The following FMNL2 variants were observed in gnomAD, a reference collection of about 807,000 sequenced individuals.
FMNL2 encodes formin-like protein 2.
In FMNL2, 51 loss-of-function variants were observed where a neutral mutation model predicts 130.2. That is an observed-to-expected ratio of 0.39 (90% CI 0.31 to 0.49). FMNL2 has a LOEUF of 0.49. Among genes scored for constraint, FMNL2 ranks in the 20% least tolerant of loss-of-function variants. FMNL2 has a pLI of 0.85. For missense variants in FMNL2, 977 were observed against 1,316.2 expected (o/e 0.74, Z 3.99); for synonymous variants, 465 against 467.1 (o/e 1.00, Z 0.06).
chr2:152,344,783 TACAAAG>T (rs1465330934), intron 1 of FMNL2, among the ~76,000 whole-genome samples: 1 of 152,220 alleles, frequency 6.6e-6, no homozygotes, highest in Admixed American at 6.5e-5. Context: ...TTTTACCATT[TACAAAG>T]ACTTGATGAG....
At chr2:152,513,291 C>CT (rs1167008783) in intron 1 of FMNL2, among the ~76,000 whole-genome samples, 1 of 152,074 alleles carries the variant, frequency 6.6e-6, no homozygotes, top group Non-Finnish European at 1.5e-5. Context: ...CCGTTTCCTC[C>CT]TTTTTTAGTG....
chr2:152,553,540 ATTTT>A (rs568985282), intron 4 of FMNL2, among the ~76,000 whole-genome samples: 1 of 126,372 alleles, frequency 7.9e-6, no homozygotes, highest in Non-Finnish European at 1.7e-5. Flanking sequence ...CAATTCTCAC[ATTTT>A]TTTTTTTTTT....
At chr2:152,553,676 T>C (rs1695055012) in intron 4 of FMNL2, among the ~76,000 whole-genome samples, 2 of 151,630 alleles carry the variant, frequency 1.3e-5, no homozygotes, top group African/African-American at 4.8e-5. Context: ...ATTTTAAATG[T>C]CTTTAATAAA....
In FMNL2 at chr2:152,426,204, C is replaced by T. The variant is rs554176678; in HGVS notation, c.117+90484C>T. On this transcript the variant is annotated intron_variant, in intron 1 of 25. Coordinates refer to ENST00000288670, the MANE Select transcript of FMNL2 (RefSeq NM_052905.4). ...CCACAATGGACCTTGAGCTGTGTGT[C>T]ATTGGCTATTTATTTTTGTGTGTCT... is the stretch of plus-strand genomic sequence containing the variant. Among the ~76,000 whole-genome samples the T allele has an allele frequency of 3.3e-5, 5 of 152,254 alleles. No individual in the cohort carries two copies. The East Asian group carries it at 9.6e-4, about 29-fold the overall frequency.
chr2:152,485,419 G>A (rs1690765602), intron 1 of FMNL2, among the ~76,000 whole-genome samples: 1 of 152,130 alleles, frequency 6.6e-6, no homozygotes, highest in Non-Finnish European at 1.5e-5. Context: ...TGAACCTGGT[G>A]GTGCACACCT....
At chr2:152,431,314 A>G (rs2106089994) in intron 1 of FMNL2, among the ~76,000 whole-genome samples, 1 of 152,294 alleles carries the variant, frequency 6.6e-6, no homozygotes, top group Non-Finnish European at 1.5e-5. Flanking sequence ...TGAAAATTAG[A>G]CTTCAGAGAA....
At chr2:152,360,354 CAG>C (rs1040740451) in intron 1 of FMNL2, among the ~76,000 whole-genome samples, 5 of 151,410 alleles carry the variant, frequency 3.3e-5, no homozygotes, top group African/African-American at 1.2e-4. Flanking sequence ...TCTTTTTTGA[CAG>C]AGTCTCACTC....
chr2:152,351,836 A>G (rs1452959198), intron 1 of FMNL2, among the ~76,000 whole-genome samples: 1 of 152,146 alleles, frequency 6.6e-6, no homozygotes, highest in East Asian at 1.9e-4. Context: ...AAGCATTCCT[A>G]TTTCTCCACA....
intron 4 of FMNL2, among the ~76,000 whole-genome samples, chr2:152,555,626 C>G (rs1435481918): frequency 1.3e-5 from 2 of 152,180 alleles, no homozygotes; most frequent in African/African-American, 4.8e-5. Flanking sequence ...TCCTTGCACC[C>G]AATTTCTTCC....
At chr2:152,499,289 T>G (rs142825640) in intron 1 of FMNL2, among the ~76,000 whole-genome samples, 1 of 152,194 alleles carries the variant, frequency 6.6e-6, no homozygotes, top group African/African-American at 2.4e-5. Context: ...AAGGAATGAA[T>G]GAATCAGAAT....
Position 152,424,500 on chromosome 2 carries a change from C to T in FMNL2, c.117+88780C>T, listed in dbSNP as rs1437637789. Among the ~76,000 whole-genome samples, 2 of 151,706 alleles carry T rather than the reference C, an allele frequency of 1.3e-5. 1 individual carries two copies. The highest frequency in any genetic ancestry group is 4.2e-4 in the South Asian group (2 of 4,810). On this transcript the variant is annotated intron_variant, in intron 1 of 25. Coordinates refer to ENST00000288670, the MANE Select transcript of FMNL2 (RefSeq NM_052905.4). ...CCACCTCCTGGGTTCAAGTGATTCT[C>T]CTGCCTCAGCCTCCCGAATAGCTGG...
In FMNL2 at chr2:152,535,661, T is replaced by C. The variant is rs1693958500; in HGVS notation, c.202-7078T>C. 2.0e-5 allele frequency among the ~76,000 whole-genome samples: 3 copies of C among 152,200 alleles called. No individual in the cohort carries two copies. In the South Asian group the frequency reaches 6.2e-4, roughly 31 times the overall value. On this transcript the variant is annotated intron_variant, in intron 2 of 25. Coordinates refer to ENST00000288670, the MANE Select transcript of FMNL2 (RefSeq NM_052905.4). ...CCAAACATGTTAGTAAGATTTAAAA[T>C]GTTCAGAGGCAGGGGCTTGTTTAGC...
At chr2:152,505,480 ATT>A (rs1244837499) in intron 1 of FMNL2, among the ~76,000 whole-genome samples, 8 of 152,126 alleles carry the variant, frequency 5.3e-5, no homozygotes, top group African/African-American at 1.9e-4. Context: ...TTCTTGTAAT[ATT>A]TTCTTTACTC....
chr2:152,515,679 T>C (rs1053794320), intron 1 of FMNL2, among the ~76,000 whole-genome samples: 6 of 152,170 alleles, frequency 3.9e-5, no homozygotes, highest in Non-Finnish European at 8.8e-5. Flanking sequence ...ACCTCATGCA[T>C]GGAGGAATTA....
At chr2:152,370,983 G>A (rs1407857721) in intron 1 of FMNL2, among the ~76,000 whole-genome samples, 1 of 152,140 alleles carries the variant, frequency 6.6e-6, no homozygotes, top group Non-Finnish European at 1.5e-5. Flanking sequence ...GTAAGTTGCT[G>A]TTGCCTAATG....
Position 152,580,953 on chromosome 2 carries a change from C to T in FMNL2, c.783-3C>T. 2 of 1,611,850 alleles carry T rather than the reference C, an allele frequency of 1.2e-6. No homozygotes were observed. Among genetic ancestry groups the T allele is most frequent in the Non-Finnish European group, 1.7e-6 (2 of 1,179,244 alleles). ...TGTGTTTTTCTTCTTCTTGTTTTGG[C>T]AGAACAAAAGCCCTTGTCTTAGAAC... On this transcript the variant is annotated splice_polypyrimidine_tract_variant and splice_region_variant and intron_variant, in intron 8 of 25. Transcript: ENST00000288670.
Position 152,599,405 on chromosome 2 carries a change from C to CTTTTTTTTTTTTT in FMNL2, c.877-7914_877-7902dup, listed in dbSNP as rs35753197. Among the ~76,000 whole-genome samples the CTTTTTTTTTTTTT allele has an allele frequency of 1.3e-4, 6 of 45,086 alleles. 2 individuals are homozygous for CTTTTTTTTTTTTT. Among genetic ancestry groups the CTTTTTTTTTTTTT allele is most frequent in the Admixed American group, 8.2e-4 (2 of 2,448 alleles). 29.6% of individuals were successfully genotyped at this position (45,086 alleles called of 152,430 possible). ...CTCTCTAGAATTTATTGAAGGTCAT[C>CTTTTTTTTTTTTT]TTTTTTTTTTTTTTTTTTTTTTTTT... On this transcript the variant is annotated intron_variant, in intron 9 of 25. Transcript: ENST00000288670.
intron 1 of FMNL2, among the ~76,000 whole-genome samples, chr2:152,395,831 C>G (rs1002818772): frequency 8.6e-6 from 1 of 115,806 alleles, no homozygotes; most frequent in African/African-American, 3.3e-5. Context: ...ATGCTTCAAC[C>G]AAATACCCAA....
intron 6 of FMNL2, among the ~76,000 whole-genome samples, chr2:152,562,171 T>C (rs950683736): frequency 6.6e-6 from 1 of 152,230 alleles, no homozygotes; most frequent in African/African-American, 2.4e-5. Context: ...GTTTCTGTGG[T>C]TCATGATTTT....
Sources: allele counts gnomAD v4.1 joint callset (sites outside exome capture counted in the v4.1 genomes callset), GRCh38; gene constraint gnomAD v4.1.1; transcripts MANE v1.5; gene names NCBI Gene and HGNC (gene_info 2026-07-23, HGNC 2026-07-21).